Variants in POLE2 observed in about 807,000 individuals in gnomAD.
The protein encoded by POLE2 is DNA polymerase epsilon subunit 2.
Under a neutral mutation model 79.4 loss-of-function variants are expected in POLE2, and 56 were observed. The ratio of observed to expected loss-of-function variants is 0.71; its 90% CI spans 0.57 to 0.88. The LOEUF (loss-of-function observed/expected upper bound fraction) is 0.88, where lower values mean the gene tolerates loss of function less well. Ranked by LOEUF, POLE2 falls within the 40% of genes least tolerant of loss-of-function variation. The pLI is 0.00. For missense variants in POLE2, 598 were observed against 638.9 expected (o/e 0.94, Z 0.69); for synonymous variants, 212 against 214.0 (o/e 0.99, Z 0.08).
chr14:49,651,647 T>A (rs529842471), intron 15 of POLE2, among the ~76,000 whole-genome samples: 1 of 151,594 alleles, frequency 6.6e-6, no homozygotes, highest in African/African-American at 2.4e-5. Flanking sequence ...GCTGAGAAAA[T>A]AAAAAGCGAA....
chr14:49,683,614 T>A lies in POLE2; in HGVS notation c.148A>T (p.Asn50Tyr), dbSNP rs763308866. ...TTACAGGGTTGCTTCTCAACTGCATTAATTATCTTTTCCAGTTTATCTTCA... is the reference window on the plus strand; with the variant it reads ...TTACAGGGTTGCTTCTCAACTGCATAAATTATCTTTTCCAGTTTATCTTCA... Reference protein sequence around the residue: ...ELEDKLEKIINAVEKQPLSSN... With the variant: ...ELEDKLEKIIYAVEKQPLSSN... The change falls in exon 2 of 19, where the codon AAT (asparagine) becomes TAT (tyrosine). Residue 50 changes from asparagine to tyrosine, a missense_variant. Physicochemically the swap from Asn to Tyr is moderately radical, Grantham distance 143 (BLOSUM62 -2). Transcript: ENST00000216367. 7.6e-6 allele frequency: 12 copies of A among 1,568,872 alleles called. No individual in the cohort carries two copies. The Admixed American group carries it at 1.7e-4, about 22-fold the overall frequency.
chr14:49,675,803 G>C (rs1197111256), intron 3 of POLE2, among the ~76,000 whole-genome samples: 5 of 151,978 alleles, frequency 3.3e-5, no homozygotes, highest in African/African-American at 4.8e-5. Context: ...GCCCAGGCTG[G>C]AGTGCAGTGG....
intron 3 of POLE2, 94 bp downstream of exon 3, chr14:49,679,631 A>C: frequency 1.5e-6 from 1 of 678,612 alleles, no homozygotes; most frequent in South Asian, 1.7e-5. Flanking sequence ...TCACTGTAGA[A>C]ACGTTGATCA....
chr14:49,661,888 T>C (rs1368415803), intron 10 of POLE2, among the ~76,000 whole-genome samples: 1 of 152,214 alleles, frequency 6.6e-6, no homozygotes, highest in African/African-American at 2.4e-5. Context: ...GAGAAAATGG[T>C]ATAATTTAAG....
chr14:49,661,122 T>C (rs769487636), intron 10 of POLE2, among the ~76,000 whole-genome samples: 28 of 152,106 alleles, frequency 1.8e-4, no homozygotes, highest in Non-Finnish European at 3.5e-4. Context: ...GGTTTCACCA[T>C]GTTGCCCAGG....
At chr14:49,655,644 A>C (rs761745641) in intron 11 of POLE2, 27 bp downstream of exon 11, 1 of 1,546,766 alleles carries the variant, frequency 6.5e-7, no homozygotes, top group East Asian at 2.3e-5. Flanking sequence ...AAAGAGTTCA[A>C]GAAAGAAGAA....
intron 5 of POLE2, among the ~76,000 whole-genome samples, chr14:49,672,499 CTCTT>C (rs1434886941): frequency 1.4e-5 from 2 of 146,902 alleles, no homozygotes; most frequent in African/African-American, 5.1e-5. Flanking sequence ...ATCCTCTCCC[CTCTT>C]TTTTTTTTTT....
In POLE2 at chr14:49,658,107, C is replaced by T. The variant is rs546610343; in HGVS notation, c.756-2264G>A. 3.0e-3 allele frequency among the ~76,000 whole-genome samples: 446 copies of T among 151,060 alleles called. 4 individuals carry two copies. The highest frequency in any genetic ancestry group is 0.01 in the African/African-American group (423 of 41,060). On this transcript the variant is annotated intron_variant, in intron 10 of 18. Coordinates refer to ENST00000216367, the MANE Select transcript of POLE2 (RefSeq NM_002692.4). ...TTTTTTTTCTTTTGAGACAGAGTCTCGCTCTGTCCCCCAGGCTGGAGTGCA... is the reference window on the plus strand; with the variant it reads ...TTTTTTTTCTTTTGAGACAGAGTCTTGCTCTGTCCCCCAGGCTGGAGTGCA...
chr14:49,645,043 C>CAAAAAAAAAAAAAAAAAAAAAAAAAAAA (rs527251561), intron 18 of POLE2, among the ~76,000 whole-genome samples: 2 of 88,320 alleles, frequency 2.3e-5, no homozygotes, highest in African/African-American at 3.9e-5. Flanking sequence ...CTCCGTCTCA[C>CAAAAAAAAAAAAAAAAAAAAAAAAAAAA]AAAAAAAAAA....
At position 49,654,812 on chromosome 14, in the gene POLE2, T is replaced by C. The variant is rs375715780; in HGVS notation, c.1045A>G (p.Ile349Val). 2 of 1,490,366 alleles carry C rather than the reference T, an allele frequency of 1.3e-6. No individual in the cohort carries two copies. The highest frequency in any genetic ancestry group is 1.8e-6 in the Non-Finnish European group (2 of 1,124,144). 92.3% of individuals were successfully genotyped at this position (1,490,366 alleles called of 1,614,324 possible). The stretch of plus-strand genomic sequence containing the variant: ...TGGTGAATATCTGGGTATTCACATA[T>C]TATATCTGCCAAAGTTTTTAGGGAA... ...KDSLKTLADI[I>V]CEYPDIHQSS... Residue 349 changes from isoleucine to valine, a missense_variant, in exon 13 of 19, where the codon ATA becomes GTA. Ile to Val is a conservative substitution (Grantham distance 29). Coordinates refer to ENST00000216367, the MANE Select transcript of POLE2 (RefSeq NM_002692.4).
intron 11 of POLE2, 103 bp downstream of exon 11, chr14:49,655,564 GTTTT>G (rs879834461): frequency 1.3e-6 from 1 of 783,356 alleles, no homozygotes; most frequent in Non-Finnish European, 2.1e-6. Flanking sequence ...TGCTAACTCT[GTTTT>G]TTTTTAAATA....
chr14:49,654,920 CTTAA>C (rs753633102), intron 12 of POLE2, 81 bp downstream of exon 12: 24 of 1,372,292 alleles, frequency 1.7e-5, no homozygotes, highest in Non-Finnish European at 2.2e-5. Context: ...CCTGTATATT[CTTAA>C]TTAAAATATT....
chr14:49,670,922 C>A (rs942704794), intron 5 of POLE2, among the ~76,000 whole-genome samples: 1 of 152,156 alleles, frequency 6.6e-6, no homozygotes, highest in Non-Finnish European at 1.5e-5. Context: ...GTTTCTGTAA[C>A]CTCCAGCTCA....
chr14:49,671,038 T>C (rs1885850142), intron 5 of POLE2, among the ~76,000 whole-genome samples: 2 of 152,204 alleles, frequency 1.3e-5, no homozygotes, highest in East Asian at 3.8e-4. Context: ...TCAGATTCAT[T>C]TTCTGGAAGA....
At chr14:49,672,544 G>A (rs998876211) in intron 5 of POLE2, among the ~76,000 whole-genome samples, 2 of 150,300 alleles carry the variant, frequency 1.3e-5, no homozygotes, top group Non-Finnish European at 1.5e-5. Flanking sequence ...TTGTTGCCCA[G>A]GCTGGAGTGC....
Position 49,681,951 on chromosome 14 carries a change from A to G in POLE2, c.169+1642T>C, listed in dbSNP as rs143026243. 5.2e-3 allele frequency: 793 copies of G among 153,108 alleles called. 6 individuals carry two copies. Among genetic ancestry groups the G allele is most frequent in the African/African-American group, 0.018 (745 of 41,522 alleles). The allele number at this position is 153,108 out of a possible 1,614,324, so 9.5% of individuals were successfully genotyped here. A position where few individuals can be genotyped will look rare whatever the true frequency, so the allele number is the denominator to read the frequency against. ...ATGTTTCATAACTTTGGTATACTCA[A>G]GAAAAAAATGACCATCTTTTATAGA... On this transcript the variant is annotated intron_variant, in intron 2 of 18. Coordinates refer to ENST00000216367, the MANE Select transcript of POLE2 (RefSeq NM_002692.4).
At position 49,655,675 on chromosome 14, in the gene POLE2, A is replaced by G; in HGVS notation, c.924T>C (p.Phe308=). The G allele has an allele frequency of 6.2e-7, 1 of 1,604,366 alleles. No homozygotes were observed. Among genetic ancestry groups the G allele is most frequent in the Non-Finnish European group, 8.5e-7 (1 of 1,176,808 alleles). The change falls in exon 11 of 19, where the codon TTT becomes TTC. Residue 308 remains phenylalanine, a synonymous_variant. Transcript: ENST00000216367. ...AAGAAAAAAAATAAGACCTACCAGC[A>G]AACATTATGCGAAGTTTTTCCAATA... ...VEVLEKLRIM[F]AGYSPAPPTC... is the part of the protein sequence containing the mutation.
intron 10 of POLE2, among the ~76,000 whole-genome samples, chr14:49,656,816 T>C (rs957402574): frequency 5.9e-5 from 9 of 152,142 alleles, no homozygotes; most frequent in Admixed American, 2.6e-4. Context: ...GCAGATCTTA[T>C]CAAATTTGTA....
chr14:49,666,117 G>A (rs1042840999), intron 7 of POLE2, among the ~76,000 whole-genome samples: 6 of 152,136 alleles, frequency 3.9e-5, no homozygotes, highest in Admixed American at 3.3e-4. Context: ...GTGAGCCACC[G>A]CGCCCAGCCA....
Sources: gnomAD v4.1 joint callset for allele counts (sites outside exome capture counted in the v4.1 genomes callset) on GRCh38, gnomAD v4.1.1 for gene constraint, MANE v1.5 for transcripts, NCBI Gene and HGNC (gene_info 2026-07-23, HGNC 2026-07-21) for gene names.